Variants in CASZ1 observed in about 807,000 individuals in gnomAD.
The protein encoded by CASZ1 is castor zinc finger 1.
CASZ1 carries 28 observed loss-of-function variants against 135.2 expected under a neutral mutation model. That is an observed-to-expected ratio of 0.21 (90% CI 0.15 to 0.28). CASZ1 has a LOEUF of 0.28. Ranked by LOEUF, CASZ1 falls within the 10% of genes least tolerant of loss-of-function variation. The pLI, the probability that CASZ1 is intolerant of heterozygous loss-of-function variation, is 1.00. For synonymous variants in CASZ1, 1,068 were observed against 1,073.4 expected (o/e 0.99, Z 0.10); for missense variants, 2,161 against 2,453.3 (o/e 0.88, Z 2.52).
rs1239996761 is a variant in CASZ1 at position 10,756,820 on chromosome 1, C to T, written c.-77+3881G>A. Among the ~76,000 whole-genome samples the T allele has an allele frequency of 6.6e-6, 1 of 152,128 alleles. No homozygotes were observed. The highest frequency in any genetic ancestry group is 1.5e-5 in the Non-Finnish European group (1 of 68,024). Reference sequence around the variant, plus strand: ...TGGGGGCTTCAGACAAACCCATCTGCCAGCCCTCACAGCTCACCAACGACG... The same window carrying T: ...TGGGGGCTTCAGACAAACCCATCTGTCAGCCCTCACAGCTCACCAACGACG... On this transcript the variant is annotated intron_variant, in intron 2 of 20. Coordinates refer to ENST00000377022, the MANE Select transcript of CASZ1 (RefSeq NM_001079843.3). The surrounding 1 kb of genome is among the most constrained non-coding windows in gnomAD (Gnocchi z 5.9).
intron 2 of CASZ1, among the ~76,000 whole-genome samples, chr1:10,710,178 C>A: frequency 6.6e-6 from 1 of 152,184 alleles, no homozygotes; most frequent in South Asian, 2.1e-4. Flanking sequence ...CTCAACTTGA[C>A]CCTCCACCCT....
intron 2 of CASZ1, among the ~76,000 whole-genome samples, chr1:10,714,127 T>C (rs903690593): frequency 6.6e-6 from 1 of 152,042 alleles, no homozygotes; most frequent in Non-Finnish European, 1.5e-5. Context: ...GCCAACATGG[T>C]GAAACCCCGT....
intron 4 of CASZ1, 116 bp downstream of exon 4, chr1:10,693,758 C>CCCCA: frequency 1.4e-6 from 1 of 718,510 alleles, no homozygotes. Context: ...AGCCGCCCGA[C>CCCCA]CCTCCCGGCC....
At chr1:10,696,709 T>C (rs1330152537) in intron 3 of CASZ1, among the ~76,000 whole-genome samples, 1 of 152,252 alleles carries the variant, frequency 6.6e-6, no homozygotes, top group African/African-American at 2.4e-5. Context: ...AGGTGATTTC[T>C]GGGTGCATTT....
intron 4 of CASZ1, among the ~76,000 whole-genome samples, chr1:10,684,399 C>T (rs1225266476): frequency 6.6e-6 from 1 of 152,194 alleles, no homozygotes; most frequent in East Asian, 1.9e-4. Flanking sequence ...CCCCAGCACA[C>T]GCGCCTAGTG....
chr1:10,717,389 T>C lies in CASZ1; in HGVS notation c.-76-11845A>G, dbSNP rs1639414140. Among the ~76,000 whole-genome samples the C allele has an allele frequency of 6.6e-6, 1 of 152,182 alleles. No individual in the cohort carries two copies. Among genetic ancestry groups the C allele is most frequent in the Non-Finnish European group, 1.5e-5 (1 of 68,022 alleles). The stretch of plus-strand genomic sequence containing the variant: ...TTGGTGAGTTGTTGGAGGTTTTTTT[T>C]TCTTTTCTTTTCTTTTTTGCTATTT... On this transcript the variant is annotated intron_variant, in intron 2 of 20. Transcript: ENST00000377022. The surrounding 1 kb of genome is among the most constrained non-coding windows in gnomAD (Gnocchi z 4.6).
intron 1 of CASZ1, among the ~76,000 whole-genome samples, chr1:10,785,575 A>C (rs1570591748): frequency 6.7e-6 from 1 of 149,738 alleles, no homozygotes; most frequent in Non-Finnish European, 1.5e-5. Context: ...CCTCCACCCC[A>C]CCTCTGCTTC....
intron 4 of CASZ1, among the ~76,000 whole-genome samples, chr1:10,683,026 A>T (rs284263): frequency 0.047 from 7,158 of 152,296 alleles, 564 homozygotes; most frequent in African/African-American, 0.16. Context: ...GCCCGCTCTG[A>T]TCTCTGCAGT....
At chr1:10,648,981 A>C (rs1185250926) in intron 15 of CASZ1, 89 bp downstream of exon 15, 3 of 1,520,934 alleles carry the variant, frequency 2.0e-6, no homozygotes, top group South Asian at 2.4e-5. Context: ...CCCAGCGGGA[A>C]CTGCTGTACC....
chr1:10,748,064 C>T (rs541175622), intron 2 of CASZ1, among the ~76,000 whole-genome samples: 15 of 152,264 alleles, frequency 9.9e-5, no homozygotes, highest in African/African-American at 1.9e-4. Context: ...GTGATCCGCC[C>T]GCCTCGGCCT....
rs918522910 is a variant in CASZ1, at chr1:10,697,903, G to A, written c.-23-3991C>T. 6.6e-5 allele frequency among the ~76,000 whole-genome samples: 10 copies of A among 152,260 alleles called. No individual in the cohort carries two copies. Among genetic ancestry groups the A allele is most frequent in the East Asian group, 1.9e-4 (1 of 5,200 alleles). On this transcript the variant is annotated intron_variant, in intron 3 of 20. Coordinates refer to ENST00000377022, the MANE Select transcript of CASZ1 (RefSeq NM_001079843.3). This position sits in a 1 kb window ranked among gnomAD's most constrained non-coding sequence, Gnocchi z 4.7. Reference sequence around the variant, plus strand: ...GTGTGTTTGCGTGTGAGCCCGCTCCGGGGCCGATGGAGGGAGGGTGTCGGG... The same window carrying A: ...GTGTGTTTGCGTGTGAGCCCGCTCCAGGGCCGATGGAGGGAGGGTGTCGGG...
At chr1:10,786,965 C>T (rs991163948) in intron 1 of CASZ1, among the ~76,000 whole-genome samples, 16 of 152,156 alleles carry the variant, frequency 1.1e-4, no homozygotes, top group African/African-American at 3.4e-4. Context: ...CACAGGGGTC[C>T]CCTTTGAGAC....
intron 14 of CASZ1, 33 bp downstream of exon 14, chr1:10,649,250 G>A (rs1354511457): frequency 3.1e-6 from 5 of 1,606,862 alleles, no homozygotes; most frequent in Non-Finnish European, 4.3e-6. Context: ...GGTGCGGGGG[G>A]ACGATGGGTG....
In CASZ1 at chr1:10,725,961, C is replaced by T. The variant is rs1164215977; in HGVS notation, c.-76-20417G>A. ...TTAGTAGCAAGAGCAGGGTGAGGCTCCACCTCAGTGCACTAGGAAATAATG... is the reference window on the plus strand; with the variant it reads ...TTAGTAGCAAGAGCAGGGTGAGGCTTCACCTCAGTGCACTAGGAAATAATG... On this transcript the variant is annotated intron_variant, in intron 2 of 20. Coordinates refer to ENST00000377022, the MANE Select transcript of CASZ1 (RefSeq NM_001079843.3). The surrounding 1 kb of genome is among the most constrained non-coding windows in gnomAD (Gnocchi z 4.4). Among the ~76,000 whole-genome samples the T allele has an allele frequency of 6.6e-6, 1 of 152,108 alleles. No homozygotes were observed. The highest frequency in any genetic ancestry group is 1.5e-5 in the Non-Finnish European group (1 of 68,018).
intron 12 of CASZ1, 29 bp downstream of exon 12, chr1:10,650,912 G>T: frequency 6.2e-7 from 1 of 1,607,096 alleles, no homozygotes. Flanking sequence ...GGTTCCCGGG[G>T]CTGGCTCCCA....
chr1:10,672,465 G>A (rs1351081757), intron 4 of CASZ1, among the ~76,000 whole-genome samples: 1 of 150,038 alleles, frequency 6.7e-6, no homozygotes, highest in African/African-American at 2.4e-5. Context: ...GCCAGCCCGC[G>A]CTCCAGCCCT....
At position 10,720,470 on chromosome 1, in the gene CASZ1, C is replaced by A. The variant is rs922313802; in HGVS notation, c.-76-14926G>T. ...CTCAGAAATGTCTAGAGGAGGCCACCCCTACTGCCTGCCCTGAAAACTGAC... is the reference window on the plus strand; with the variant it reads ...CTCAGAAATGTCTAGAGGAGGCCACACCTACTGCCTGCCCTGAAAACTGAC... On this transcript the variant is annotated intron_variant, in intron 2 of 20. Transcript: ENST00000377022. The surrounding 1 kb of genome is among the most constrained non-coding windows in gnomAD (Gnocchi z 5.7). Among the ~76,000 whole-genome samples, 1 of 152,180 alleles carries A rather than the reference C, an allele frequency of 6.6e-6. No homozygotes were observed. The highest frequency in any genetic ancestry group is 1.9e-4 in the East Asian group (1 of 5,194).
At position 10,755,463 on chromosome 1, in the gene CASZ1, C is replaced by T. The variant is rs1224567011; in HGVS notation, c.-77+5238G>A. On this transcript the variant is annotated intron_variant, in intron 2 of 20. Transcript: ENST00000377022. The surrounding 1 kb of genome is among the most constrained non-coding windows in gnomAD (Gnocchi z 4.3). The stretch of plus-strand genomic sequence containing the variant: ...GCGCTTCTCTCTTCGTCCACCACAC[C>T]GCGTCAACCCTCCCAAATCCACGGG... Among the ~76,000 whole-genome samples the T allele has an allele frequency of 2.0e-5, 3 of 152,132 alleles. No homozygotes were observed. The highest frequency in any genetic ancestry group is 6.5e-5 in the Admixed American group (1 of 15,288).
At position 10,762,080 on chromosome 1, in the gene CASZ1, C is replaced by A. The variant is rs1476666621; in HGVS notation, c.-233-1223G>T. 6.6e-6 allele frequency among the ~76,000 whole-genome samples: 1 copy of A among 152,214 alleles called. No homozygotes were observed. The highest frequency in any genetic ancestry group is 2.4e-5 in the African/African-American group (1 of 41,452). ...CCCGGCCCTCAGAGTCCCCGGAGGC[C>A]TTGCAGGAGTGCACGAACCCCTCCC... is the stretch of plus-strand genomic sequence containing the variant. On this transcript the variant is annotated intron_variant, in intron 1 of 20. Transcript: ENST00000377022. The surrounding 1 kb of genome is among the most constrained non-coding windows in gnomAD (Gnocchi z 4.1).
Sources: allele counts gnomAD v4.1 joint callset (sites outside exome capture counted in the v4.1 genomes callset), GRCh38; gene constraint gnomAD v4.1.1; non-coding constraint Gnocchi (gnomAD v3.1); transcripts MANE v1.5; gene names NCBI Gene and HGNC (gene_info 2026-07-23, HGNC 2026-07-21).